Variants in SETBP1 observed in about 807,000 individuals in gnomAD.
SETBP1 encodes the protein SET binding protein 1, also known as SET-binding protein.
SETBP1 carries 9 observed loss-of-function variants against 101.0 expected under a neutral mutation model. The observed-to-expected ratio is 0.09, with a 90% confidence interval of 0.05 to 0.16. The LOEUF is 0.16. Ranked by LOEUF, SETBP1 falls within the 10% of genes least tolerant of loss-of-function variation. The pLI is 1.00. For synonymous variants in SETBP1, 818 were observed against 788.5 expected (o/e 1.04, Z -0.63); for missense variants, 1,858 against 2,033.8 (o/e 0.91, Z 1.66).
chr18:44,930,302 G>C (rs565779402), intron 3 of SETBP1, among the ~76,000 whole-genome samples: 2 of 152,308 alleles, frequency 1.3e-5, no homozygotes, highest in African/African-American at 4.8e-5. Context: ...GATCGTGGTG[G>C]ATAAGCTTTT....
At chr18:44,945,466 A>C (rs1049619227) in intron 3 of SETBP1, among the ~76,000 whole-genome samples, 7 of 152,244 alleles carry the variant, frequency 4.6e-5, no homozygotes, top group African/African-American at 1.7e-4. Context: ...TCACTGAAGC[A>C]TTCGACCTAG....
At chr18:45,055,321 A>G (rs1361046310) in intron 5 of SETBP1, among the ~76,000 whole-genome samples, 2 of 152,218 alleles carry the variant, frequency 1.3e-5, no homozygotes, top group African/African-American at 4.8e-5. Context: ...CAGTCATACC[A>G]TTTAAATACA....
chr18:44,710,552 AG>A (rs1289243035), intron 2 of SETBP1, among the ~76,000 whole-genome samples: 4 of 150,498 alleles, frequency 2.7e-5, no homozygotes, highest in African/African-American at 9.8e-5. Context: ...TCCAGGTTGA[AG>A]CAATTCTCCT....
intron 3 of SETBP1, among the ~76,000 whole-genome samples, chr18:44,899,947 C>T (rs963634460): frequency 1.6e-4 from 25 of 152,102 alleles, no homozygotes. Flanking sequence ...TTAGGCTTTG[C>T]AAGCCATACA....
chr18:44,739,235 G>A (rs552345699), intron 2 of SETBP1, among the ~76,000 whole-genome samples: 27 of 152,254 alleles, frequency 1.8e-4, no homozygotes, highest in South Asian at 1.2e-3. Context: ...ATTCTGTTCC[G>A]CTTTAATTGC....
intron 1 of SETBP1, among the ~76,000 whole-genome samples, chr18:44,682,942 A>G (rs1044911676): frequency 2.0e-5 from 3 of 151,540 alleles, no homozygotes; most frequent in Non-Finnish European, 4.4e-5. Flanking sequence ...CGGGAGCCAG[A>G]GGAGGGAAAG....
chr18:44,895,313 G>C (rs1223657964), intron 3 of SETBP1, among the ~76,000 whole-genome samples: 1 of 122,206 alleles, frequency 8.2e-6, no homozygotes, highest in East Asian at 2.6e-4. Context: ...GGGGAGAGAG[G>C]GAGTGAAGGA....
At chr18:44,780,216 A>G (rs1230475269) in intron 2 of SETBP1, among the ~76,000 whole-genome samples, 1 of 152,172 alleles carries the variant, frequency 6.6e-6, no homozygotes, top group Non-Finnish European at 1.5e-5. Flanking sequence ...CCAAGGTTCC[A>G]GAAATCAGCC....
At chr18:45,035,279 T>C (rs57290044) in intron 4 of SETBP1, among the ~76,000 whole-genome samples, 19,295 of 152,248 alleles carry the variant, frequency 0.13, 1,848 homozygotes, top group African/African-American at 0.27. Context: ...GAAAAATGTC[T>C]GGCTTTTCTT....
rs2072413162 is a variant in SETBP1 at position 44,993,047 on chromosome 18, GA to G, written c.4000+39714del. Reference sequence around the variant, plus strand: ...AATTCCCCATATTAACAGAACAAAGGAAAAAAAGACAAATGATTATGTCAAT... The same window carrying G: ...AATTCCCCATATTAACAGAACAAAGGAAAAAAGACAAATGATTATGTCAAT... On this transcript the variant is annotated intron_variant, in intron 4 of 5. Transcript: ENST00000649279. Among the ~76,000 whole-genome samples, 3 of 151,656 alleles carry G rather than the reference GA, an allele frequency of 2.0e-5. No homozygotes were observed. The South Asian group carries it at 6.2e-4, about 31-fold the overall frequency.
intron 5 of SETBP1, 118 bp downstream of exon 5, chr18:45,038,773 A>G: frequency 1.9e-6 from 2 of 1,059,384 alleles, no homozygotes; most frequent in Non-Finnish European, 2.8e-6. Context: ...CCTCCCCTAG[A>G]CTCTGAACAT....
In SETBP1 at chr18:45,046,626, A is replaced by G. The variant is rs1333498248; in HGVS notation, c.4171+7971A>G. Among the ~76,000 whole-genome samples, 3 of 149,326 alleles carry G rather than the reference A, an allele frequency of 2.0e-5. 1 individual carries two copies. Among genetic ancestry groups the G allele is most frequent in the South Asian group, 4.1e-4 (2 of 4,834 alleles). On this transcript the variant is annotated intron_variant, in intron 5 of 5. Transcript: ENST00000649279. ...TTCTGTGAGAATTTCAGGATAAGCC[A>G]TTCAATGGAAAACGGGAGAGTGCAT...
chr18:44,763,846 T>G (rs2070709761), intron 2 of SETBP1, among the ~76,000 whole-genome samples: 1 of 152,166 alleles, frequency 6.6e-6, no homozygotes, highest in Non-Finnish European at 1.5e-5. Context: ...TCTGAATCCT[T>G]TGCTGGTCCC....
intron 3 of SETBP1, among the ~76,000 whole-genome samples, chr18:44,943,779 A>ACC (rs2071138273): frequency 6.6e-6 from 1 of 151,578 alleles, no homozygotes; most frequent in South Asian, 2.1e-4. Context: ...GGGGTTTGGA[A>ACC]TCCCACAGTG....
chr18:44,771,603 C>T (rs913771942), intron 2 of SETBP1, among the ~76,000 whole-genome samples: 2 of 152,154 alleles, frequency 1.3e-5, no homozygotes, highest in Non-Finnish European at 2.9e-5. Context: ...GACACAGGGT[C>T]AGAGACACCC....
intron 2 of SETBP1, among the ~76,000 whole-genome samples, chr18:44,780,552 T>C: frequency 6.6e-6 from 1 of 152,214 alleles, no homozygotes; most frequent in East Asian, 1.9e-4. Context: ...ATCCAAGTCA[T>C]GGTTTTGTGG....
intron 4 of SETBP1, among the ~76,000 whole-genome samples, chr18:45,025,960 T>C (rs1325722520): frequency 1.3e-5 from 2 of 152,210 alleles, no homozygotes; most frequent in African/African-American, 2.4e-5. Flanking sequence ...GATATCAAGC[T>C]CTTTTTTCAA....
intron 2 of SETBP1, among the ~76,000 whole-genome samples, chr18:44,831,337 GT>G (rs2072363323): frequency 6.6e-6 from 1 of 152,152 alleles, no homozygotes; most frequent in South Asian, 2.1e-4. Flanking sequence ...GATATCTAAG[GT>G]TAGCAAGTTT....
chr18:45,009,788 T>C (rs1370851916), intron 4 of SETBP1, among the ~76,000 whole-genome samples: 1 of 152,170 alleles, frequency 6.6e-6, no homozygotes, highest in Non-Finnish European at 1.5e-5. Flanking sequence ...CATTGTTGCA[T>C]ACCATGCCTG....
Sources: gnomAD v4.1 joint callset for allele counts (sites outside exome capture counted in the v4.1 genomes callset) on GRCh38, gnomAD v4.1.1 for gene constraint, MANE v1.5 for transcripts, NCBI Gene and HGNC (gene_info 2026-07-23, HGNC 2026-07-21) for gene names.